Variants in PRR5L observed in about 807,000 individuals in gnomAD.
The protein encoded by PRR5L is proline-rich protein 5-like.
Under a neutral mutation model 36.4 loss-of-function variants are expected in PRR5L, and 21 were observed. That is an observed-to-expected ratio of 0.58 (90% confidence interval 0.41 to 0.83). PRR5L has a LOEUF of 0.83. PRR5L is among the 40% of genes least tolerant of loss of function. The pLI is 0.00. For synonymous variants in PRR5L, 188 were observed against 197.0 expected, an observed-to-expected ratio of 0.95 and a Z score of 0.38; for missense variants, 381 against 473.3, an observed-to-expected ratio of 0.80 and a Z score of 1.81.
At chr11:36,353,595 C>T (rs1856997234) in intron 1 of PRR5L, among the ~76,000 whole-genome samples, 1 of 152,106 alleles carries the variant, frequency 6.6e-6, no homozygotes, top group Middle Eastern at 3.2e-3. Flanking sequence ...ACAATTTTTC[C>T]ACGGAGGGTT....
chr11:36,462,855 G>T lies in PRR5L; in HGVS notation c.*119G>T. 2.0e-6 allele frequency: 2 copies of T among 987,986 alleles called. No homozygotes were observed. The highest frequency in any genetic ancestry group is 3.4e-4 in the Middle Eastern group (1 of 2,966). The allele number at this position is 987,986 out of a possible 1,614,324, so 61.2% of individuals were successfully genotyped here. On this transcript the variant is annotated 3_prime_UTR_variant, in exon 9 of 9. Coordinates refer to ENST00000530639, the MANE Select transcript of PRR5L (RefSeq NM_001160167.2). ...GCGATGCTGCCTTATTTCCTTTAGGGTACTGTCCTGGTCAAAATGACCTAA... is the reference window on the plus strand; with the variant it reads ...GCGATGCTGCCTTATTTCCTTTAGGTTACTGTCCTGGTCAAAATGACCTAA...
chr11:36,462,979 A>C lies in PRR5L; in HGVS notation c.*243A>C. On this transcript the variant is annotated 3_prime_UTR_variant, in exon 9 of 9. Coordinates refer to ENST00000530639, the MANE Select transcript of PRR5L (RefSeq NM_001160167.2). ...CCAGTTGCCTAATGGTCACTTTCTG[A>C]CTCCAGCCTTGCCAGCCTGACTCAG... 7.4e-6 allele frequency: 3 copies of C among 403,950 alleles called. No homozygotes were observed. Among genetic ancestry groups the C allele is most frequent in the Non-Finnish European group, 1.3e-5 (3 of 229,006 alleles). 25.0% of individuals were successfully genotyped at this position (403,950 alleles called of 1,614,324 possible). A position where few individuals can be genotyped will look rare whatever the true frequency, so the allele number is the denominator to read the frequency against.
At chr11:36,446,175 G>A in intron 6 of PRR5L, 125 bp from the exon 7 acceptor site, 1 of 1,009,228 alleles carries the variant, frequency 9.9e-7, no homozygotes, top group Non-Finnish European at 1.4e-6. Context: ...AGACACACTG[G>A]CCCTTGCAGA....
intron 1 of PRR5L, among the ~76,000 whole-genome samples, chr11:36,349,208 C>T (rs1026898021): frequency 2.0e-5 from 3 of 148,774 alleles, no homozygotes; most frequent in African/African-American, 2.5e-5. Context: ...AGCTTGAACC[C>T]GCGAGGCGGA....
At chr11:36,451,172 C>T (rs539733828) in intron 7 of PRR5L, 37 bp from the exon 8 acceptor site, 4 of 1,611,344 alleles carry the variant, frequency 2.5e-6, no homozygotes, top group Non-Finnish European at 3.4e-6. Flanking sequence ...TGGCAATGAA[C>T]ACTGACCTTT....
At chr11:36,347,368 C>A (rs1856877851) in intron 1 of PRR5L, among the ~76,000 whole-genome samples, 1 of 152,104 alleles carries the variant, frequency 6.6e-6, no homozygotes, top group African/African-American at 2.4e-5. Flanking sequence ...CTTCAAGAAA[C>A]CATCAGTTGC....
chr11:36,366,873 T>C (rs1857149331), intron 1 of PRR5L, among the ~76,000 whole-genome samples: 1 of 152,106 alleles, frequency 6.6e-6, no homozygotes, highest in African/African-American at 2.4e-5. Flanking sequence ...AGTTTAAAAC[T>C]CCTCTCTCCT....
intron 1 of PRR5L, among the ~76,000 whole-genome samples, chr11:36,392,608 C>A (rs1212867636): frequency 1.3e-5 from 2 of 152,158 alleles, no homozygotes; most frequent in African/African-American, 4.8e-5. Context: ...TAAAGAACTA[C>A]CTGAGACTGG....
rs1346795314 is a variant in PRR5L at position 36,377,805 on chromosome 11, T to C, written c.-125-23192T>C. On this transcript the variant is annotated intron_variant, in intron 1 of 8. Transcript: ENST00000530639. The surrounding 1 kb of genome is among the most constrained non-coding windows in gnomAD (Gnocchi z 5.1). ...CGATGCGCCCCACAAGACGAAAGGTTCACGCGCTGCGTCTGAGCTGCACGT... is the reference window on the plus strand; with the variant it reads ...CGATGCGCCCCACAAGACGAAAGGTCCACGCGCTGCGTCTGAGCTGCACGT... 6.6e-6 allele frequency: 1 copy of C among 152,246 alleles called. No individual in the cohort carries two copies. The highest frequency in any genetic ancestry group is 2.4e-5 in the African/African-American group (1 of 41,446). 9.4% of individuals were successfully genotyped at this position (152,246 alleles called of 1,614,324 possible). A position where few individuals can be genotyped will look rare whatever the true frequency, so the allele number is the denominator to read the frequency against.
At chr11:36,332,521 C>A (rs560298260) in intron 1 of PRR5L, among the ~76,000 whole-genome samples, 1 of 152,284 alleles carries the variant, frequency 6.6e-6, no homozygotes, top group East Asian at 1.9e-4. Context: ...ATCCTACATC[C>A]ATTATCTCCT....
intron 8 of PRR5L, among the ~76,000 whole-genome samples, chr11:36,460,592 A>G (rs1859159275): frequency 6.6e-6 from 1 of 152,060 alleles, no homozygotes; most frequent in Non-Finnish European, 1.5e-5. Flanking sequence ...TGATGTTAGC[A>G]TTACCTTTTT....
At chr11:36,386,665 T>C (rs980578404) in intron 1 of PRR5L, 17 of 152,218 alleles carry the variant, frequency 1.1e-4, no homozygotes, top group African/African-American at 3.9e-4. Context: ...GGGTCAGGAG[T>C]TCAGGCTCTG....
rs1859260754 is a variant in PRR5L, at chr11:36,464,716, G to A, written c.*1980G>A. On this transcript the variant is annotated 3_prime_UTR_variant, in exon 9 of 9. Transcript: ENST00000530639. ...AAAGTAATTAATTAATCATGCTTGG[G>A]CTTACTTTTTCAGTTTGTAAGGTTA... 6.6e-6 allele frequency: 1 copy of A among 152,126 alleles called. No homozygotes were observed. Among genetic ancestry groups the A allele is most frequent in the South Asian group, 2.1e-4 (1 of 4,826 alleles). 9.4% of individuals were successfully genotyped at this position (152,126 alleles called of 1,614,324 possible).
In PRR5L at chr11:36,368,786, A is replaced by G. The variant is rs147135907; in HGVS notation, c.-125-32211A>G. Among the ~76,000 whole-genome samples the G allele has an allele frequency of 6.6e-3, 998 of 152,338 alleles. 10 individuals are homozygous for G. The highest frequency in any genetic ancestry group is 0.023 in the African/African-American group (957 of 41,582). On this transcript the variant is annotated intron_variant, in intron 1 of 8. Coordinates refer to ENST00000530639, the MANE Select transcript of PRR5L (RefSeq NM_001160167.2). Reference sequence around the variant, plus strand: ...ACTTTTGTTCTGTTTTGTTTTGGAAAATATAGTTATTTTCCATAAAATATG... The same window carrying G: ...ACTTTTGTTCTGTTTTGTTTTGGAAGATATAGTTATTTTCCATAAAATATG...
chr11:36,368,586 C>T (rs532841051), intron 1 of PRR5L, among the ~76,000 whole-genome samples: 37 of 152,302 alleles, frequency 2.4e-4, no homozygotes, highest in African/African-American at 8.9e-4. Context: ...TATTATTCAC[C>T]TTATCACTCT....
Position 36,464,921 on chromosome 11 carries a change from C to T in PRR5L, c.*2185C>T, listed in dbSNP as rs1859265079. The T allele has an allele frequency of 6.6e-6, 1 of 152,062 alleles. No individual in the cohort carries two copies. The highest frequency in any genetic ancestry group is 2.1e-4 in the South Asian group (1 of 4,834). The allele number at this position is 152,062 out of a possible 1,614,324, so 9.4% of individuals were successfully genotyped here. A position where few individuals can be genotyped will look rare whatever the true frequency, so the allele number is the denominator to read the frequency against. On this transcript the variant is annotated 3_prime_UTR_variant, in exon 9 of 9. Coordinates refer to ENST00000530639, the MANE Select transcript of PRR5L (RefSeq NM_001160167.2). ...TAGCCAGTTTACAACTTTTTACCATCGATGTACACATTTGATATTTGTGCA... is the reference window on the plus strand; with the variant it reads ...TAGCCAGTTTACAACTTTTTACCATTGATGTACACATTTGATATTTGTGCA...
chr11:36,299,982 A>G (rs1240236716), intron 1 of PRR5L, among the ~76,000 whole-genome samples: 3 of 152,172 alleles, frequency 2.0e-5, no homozygotes, highest in African/African-American at 7.2e-5. Context: ...TTTCTTAAGT[A>G]TGTTGTGAGA....
At chr11:36,415,615 G>A (rs767705919) in intron 3 of PRR5L, among the ~76,000 whole-genome samples, 8 of 152,182 alleles carry the variant, frequency 5.3e-5, no homozygotes, top group Admixed American at 6.5e-5. Flanking sequence ...GCAGTGTTGC[G>A]CGCCTGCTCT....
intron 1 of PRR5L, among the ~76,000 whole-genome samples, chr11:36,298,488 G>T (rs1856338037): frequency 6.6e-6 from 1 of 152,268 alleles, no homozygotes; most frequent in Admixed American, 6.5e-5. Context: ...TAAGGAGCAT[G>T]CAAACTAGAC....
Sources: allele counts gnomAD v4.1 joint callset (sites outside exome capture counted in the v4.1 genomes callset), GRCh38; gene constraint gnomAD v4.1.1; non-coding constraint Gnocchi (gnomAD v3.1); transcripts MANE v1.5; gene names NCBI Gene and HGNC (gene_info 2026-07-23, HGNC 2026-07-21).